Variants in ARHGEF10L observed in about 807,000 individuals in gnomAD.
ARHGEF10L encodes Rho guanine nucleotide exchange factor 10 like, also known as rho guanine nucleotide exchange factor 10-like protein.
ARHGEF10L carries 69 observed loss-of-function variants against 141.2 expected under a neutral mutation model. That is an observed-to-expected ratio of 0.49 (90% CI 0.40 to 0.60). The LOEUF is 0.60. Among genes scored for constraint, ARHGEF10L ranks in the 20% least tolerant of loss-of-function variants. The pLI, the probability that ARHGEF10L is intolerant of heterozygous loss-of-function variation, is 0.00. For missense variants in ARHGEF10L, 1,482 were observed against 1,734.3 expected, an observed-to-expected ratio of 0.85 and a Z score of 2.58; for synonymous variants, 711 against 718.5, an observed-to-expected ratio of 0.99 and a Z score of 0.17.
Position 17,664,501 on chromosome 1 carries a change from G to A in ARHGEF10L, c.2915G>A (p.Gly972Glu). 1.2e-6 allele frequency: 2 copies of A among 1,607,972 alleles called. No homozygotes were observed. Among genetic ancestry groups the A allele is most frequent in the Non-Finnish European group, 1.7e-6 (2 of 1,179,754 alleles). ...CCCGTGTGCCTGACTGTGGGGCCCG[G>A]GCCTGTCCGCACCCTGTTGAGCCTG... ...SPPVCLTVGP[G>E]PVRTLLSLED... The change falls in exon 26 of 29, where the codon GGG (glycine) becomes GAG (glutamate). Residue 972 changes from glycine to glutamate, a missense_variant. Gly to Glu is a moderately conservative substitution (Grantham distance 98). Around this residue, in one of 3 missense-constraint regions of ARHGEF10L, gnomAD observed 858 missense variants for 966.3 expected, o/e 0.89. Coordinates refer to ENST00000361221, the MANE Select transcript of ARHGEF10L (RefSeq NM_018125.4).
At chr1:17,690,428 T>C (rs556316936) in intron 27 of ARHGEF10L, among the ~76,000 whole-genome samples, 4 of 152,242 alleles carry the variant, frequency 2.6e-5, no homozygotes, top group Non-Finnish European at 5.9e-5. Context: ...CCAGCAGCGG[T>C]CCATGATGGT....
chr1:17,568,379 G>C (rs2077849696), intron 1 of ARHGEF10L, among the ~76,000 whole-genome samples: 1 of 152,232 alleles, frequency 6.6e-6, no homozygotes, highest in East Asian at 1.9e-4. Context: ...GATCGGAGCA[G>C]TGGATGGCAT....
At chr1:17,597,821 G>A (rs1447638450) in intron 4 of ARHGEF10L, among the ~76,000 whole-genome samples, 1 of 152,194 alleles carries the variant, frequency 6.6e-6, no homozygotes, top group Non-Finnish European at 1.5e-5. Context: ...GGTGCAGCGA[G>A]GAGGAGCCTC....
chr1:17,613,021 A>G (rs1443890829), intron 7 of ARHGEF10L, 37 bp from the exon 8 acceptor site: 2 of 1,451,754 alleles, frequency 1.4e-6, no homozygotes, highest in Admixed American at 3.4e-5. Flanking sequence ...TGCTCCTCTC[A>G]CCTGCTTTCC....
At chr1:17,670,415 G>A (rs1163276315) in intron 26 of ARHGEF10L, among the ~76,000 whole-genome samples, 2 of 152,362 alleles carry the variant, frequency 1.3e-5, no homozygotes, top group South Asian at 2.1e-4. Context: ...CCGCGTTCAT[G>A]ATCTAGATCG....
intron 21 of ARHGEF10L, among the ~76,000 whole-genome samples, chr1:17,642,530 T>TGTGGGGAGAGGGCATGGGAGGGGCAG (rs2061383159): frequency 6.6e-6 from 1 of 152,076 alleles, no homozygotes; most frequent in African/African-American, 2.4e-5. Context: ...TTCTGGCTGC[T>TGTGGGGAGAGGGCATGGGAGGGGCAG]GTGGGGAGAG....
In ARHGEF10L at chr1:17,636,158, T is replaced by C. The variant is rs1032851193; in HGVS notation, c.1927+1142T>C. 2.6e-5 allele frequency among the ~76,000 whole-genome samples: 4 copies of C among 152,318 alleles called. No individual in the cohort carries two copies. The South Asian group carries it at 6.2e-4, about 24-fold the overall frequency. ...GCACAGGGTTCCTTTCTGCTGGTCA[T>C]GCGGTCTAGCATCCTTCATGCACTC... On this transcript the variant is annotated intron_variant, in intron 18 of 28. Transcript: ENST00000361221.
chr1:17,634,914 C>G lies in ARHGEF10L; in HGVS notation c.1825C>G (p.Gln609Glu). Residue 609 changes from glutamine (Q) to glutamate (E), a missense_variant, in exon 18 of 29, where the codon CAG becomes GAG. Coordinates refer to ENST00000361221, the MANE Select transcript of ARHGEF10L (RefSeq NM_018125.4). ...VKWNTALPQV[Q>E]VVEVGQDGGT... is the part of the protein sequence containing the mutation. ...GTGGAACACGGCGCTGCCCCAGGTGCAGGTGGTGGAGGTGGGCCAGGACGG... is the reference window on the plus strand; with the variant it reads ...GTGGAACACGGCGCTGCCCCAGGTGGAGGTGGTGGAGGTGGGCCAGGACGG... 1 of 1,614,114 alleles carries G rather than the reference C, an allele frequency of 6.2e-7. No homozygotes were observed. Among genetic ancestry groups the G allele is most frequent in the East Asian group, 2.2e-5 (1 of 44,860 alleles).
rs1378922125 is a variant in ARHGEF10L, at chr1:17,656,105, G to A, written c.2705+3G>A. 1.3e-6 allele frequency: 2 copies of A among 1,550,276 alleles called. No homozygotes were observed. The highest frequency in any genetic ancestry group is 1.2e-5 in the South Asian group (1 of 84,042). ...TGCCTCGGGCTCCAGGATGGCAGGT[G>A]AGGGGCCCGGAAGGAGGGGTGAGAG... On this transcript the variant is annotated splice_donor_region_variant and intron_variant, in intron 24 of 28. Transcript: ENST00000361221. The surrounding 1 kb of genome is among the most constrained non-coding windows in gnomAD (Gnocchi z 4.9).
At chr1:17,680,378 A>G (rs534408363) in intron 26 of ARHGEF10L, among the ~76,000 whole-genome samples, 6 of 152,174 alleles carry the variant, frequency 3.9e-5, no homozygotes, top group Non-Finnish European at 7.3e-5. Context: ...ATTTATGGAA[A>G]CCATGCACAG....
rs941705987 is a variant in ARHGEF10L at position 17,573,279 on chromosome 1, G to C, written c.-43-7274G>C. Among the ~76,000 whole-genome samples the C allele has an allele frequency of 1.3e-5, 2 of 152,208 alleles. No homozygotes were observed. The highest frequency in any genetic ancestry group is 1.5e-5 in the Non-Finnish European group (1 of 68,036). On this transcript the variant is annotated intron_variant, in intron 1 of 28. Coordinates refer to ENST00000361221, the MANE Select transcript of ARHGEF10L (RefSeq NM_018125.4). This position sits in a 1 kb window ranked among gnomAD's most constrained non-coding sequence, Gnocchi z 4.8. Reference sequence around the variant, plus strand: ...GGCCCAGCAGCGAGGACGCCCAGCAGCTGGGAGGCGGGCATCCCTGTTGTA... The same window carrying C: ...GGCCCAGCAGCGAGGACGCCCAGCACCTGGGAGGCGGGCATCCCTGTTGTA...
At position 17,675,192 on chromosome 1, in the gene ARHGEF10L, G is replaced by T. The variant is rs142090773; in HGVS notation, c.3009+10597G>T. 8.5e-5 allele frequency among the ~76,000 whole-genome samples: 13 copies of T among 152,254 alleles called. No homozygotes were observed. In the East Asian group the frequency reaches 2.5e-3, roughly 29 times the overall value. Reference sequence around the variant, plus strand: ...ATTCTGACCTTTCTTGCCCAACACCGCCCAGCAGTCTTGGATGTGGATTTA... The same window carrying T: ...ATTCTGACCTTTCTTGCCCAACACCTCCCAGCAGTCTTGGATGTGGATTTA... On this transcript the variant is annotated intron_variant, in intron 26 of 28. Coordinates refer to ENST00000361221, the MANE Select transcript of ARHGEF10L (RefSeq NM_018125.4).
At chr1:17,576,687 G>A (rs939416146) in intron 1 of ARHGEF10L, among the ~76,000 whole-genome samples, 7 of 152,178 alleles carry the variant, frequency 4.6e-5, no homozygotes, top group South Asian at 2.1e-4. Flanking sequence ...GGCATGGAGC[G>A]TAGAATTCAT....
intron 2 of ARHGEF10L, among the ~76,000 whole-genome samples, chr1:17,583,067 A>AG (rs1430160933): frequency 6.6e-6 from 1 of 151,092 alleles, no homozygotes; most frequent in East Asian, 1.9e-4. Context: ...ATGAAAAAAA[A>AG]AAAAAATAGC....
At chr1:17,671,447 A>C (rs891496968) in intron 26 of ARHGEF10L, among the ~76,000 whole-genome samples, 1 of 152,160 alleles carries the variant, frequency 6.6e-6, no homozygotes, top group Non-Finnish European at 1.5e-5. Context: ...GTGTCACTCA[A>C]GGGTGAGAAC....
intron 26 of ARHGEF10L, among the ~76,000 whole-genome samples, chr1:17,684,059 G>A (rs961517026): frequency 6.6e-6 from 1 of 152,214 alleles, no homozygotes; most frequent in Non-Finnish European, 1.5e-5. Flanking sequence ...TTTTGGAAAA[G>A]CCTGCAGACA....
At chr1:17,590,467 A>G (rs10788679) in intron 4 of ARHGEF10L, among the ~76,000 whole-genome samples, 90,970 of 151,888 alleles carry the variant, frequency 0.6, 27,753 homozygotes, top group East Asian at 0.86. Flanking sequence ...CCCCCAACAC[A>G]GAGATCTTGT....
At chr1:17,589,272 C>G (rs1024142497) in intron 4 of ARHGEF10L, among the ~76,000 whole-genome samples, 1 of 152,170 alleles carries the variant, frequency 6.6e-6, no homozygotes, top group Non-Finnish European at 1.5e-5. Context: ...CAAGTCAGGT[C>G]TGGGTTGGAA....
intron 22 of ARHGEF10L, among the ~76,000 whole-genome samples, chr1:17,651,935 G>T (rs1247036367): frequency 6.6e-6 from 1 of 152,166 alleles, no homozygotes; most frequent in African/African-American, 2.4e-5. Flanking sequence ...GCTGTGTGCT[G>T]GCAGCCTGAT....
Sources: gnomAD v4.1 joint callset for allele counts (sites outside exome capture counted in the v4.1 genomes callset) on GRCh38, gnomAD v4.1.1 for gene constraint, gnomAD v4.1.1 regional missense constraint, Gnocchi (gnomAD v3.1) non-coding constraint, MANE v1.5 for transcripts, NCBI Gene and HGNC (gene_info 2026-07-23, HGNC 2026-07-21) for gene names.